C4orf50: variants seen among roughly 807,000 people sequenced by gnomAD.
C4orf50 encodes the protein uncharacterized protein C4orf50.
In C4orf50, 80 loss-of-function variants were observed where a neutral mutation model predicts 77.2. That is an observed-to-expected ratio of 1.04 (90% CI 0.87 to 1.25). C4orf50 has a LOEUF of 1.25. Ranked by LOEUF, C4orf50 falls within the 50% of genes most tolerant of loss-of-function variation. The pLI, the probability that C4orf50 is intolerant of heterozygous loss-of-function variation, is 0.00. For missense variants in C4orf50, 1,257 were observed against 1,152.9 expected, an observed-to-expected ratio of 1.09 and a Z score of -1.31; for synonymous variants, 532 against 465.3, an observed-to-expected ratio of 1.14 and a Z score of -1.84.
chr4:5,990,531 T>C (rs1200132678), exon 28 of C4orf50: 7 of 399,016 alleles, frequency 1.8e-5, no homozygotes, highest in Non-Finnish European at 2.7e-5. Context: ...GTCCTGTGGC[T>C]TTGGGAGGAG....
chr4:6,003,893 ATGATG>A (rs1577991016), intron 25 of C4orf50, among the ~76,000 whole-genome samples: 377 of 99,356 alleles, frequency 3.8e-3, no homozygotes, highest in East Asian at 7.4e-3. Context: ...GATTATGGTG[ATGATG>A]TGATGGTGAT....
At chr4:5,923,184 C>A (rs1289906438) in intron 7 of C4orf50, 1 of 154,290 alleles carries the variant, frequency 6.5e-6, no homozygotes, top group African/African-American at 2.4e-5. Context: ...CGATTATAAT[C>A]CCTGTTTTAC....
intron 31 of C4orf50, among the ~76,000 whole-genome samples, chr4:5,971,387 T>C (rs1719902021): frequency 6.6e-6 from 1 of 152,200 alleles, no homozygotes. Flanking sequence ...CACAGGTGCC[T>C]GTGGCCTCCC....
At chr4:5,990,044 G>T (rs1721168098) in exon 28 of C4orf50, 2 of 1,349,518 alleles carry the variant, frequency 1.5e-6, no homozygotes, top group African/African-American at 1.5e-5. Flanking sequence ...GTGGCTGGGG[G>T]TGCCACTTCC....
chr4:5,953,259 A>G (rs1441729284), downstream of C4orf50, among the ~76,000 whole-genome samples: 11 of 152,178 alleles, frequency 7.2e-5, no homozygotes, highest in Non-Finnish European at 1.0e-4. Flanking sequence ...GCCAAGCTGC[A>G]GACGAGAGAG....
chr4:5,980,293 G>A (rs774086790), exon 29 of C4orf50: 20 of 1,612,208 alleles, frequency 1.2e-5, no homozygotes, highest in South Asian at 5.5e-5. Flanking sequence ...TGCTGGGCCC[G>A]CAGCCTGGGA....
intron 28 of C4orf50, among the ~76,000 whole-genome samples, chr4:5,982,014 G>T (rs961130104): frequency 6.6e-6 from 1 of 152,050 alleles, no homozygotes; most frequent in Non-Finnish European, 1.5e-5. Flanking sequence ...GGGCTGCTGG[G>T]GCATCTCTCA....
chr4:5,987,268 G>A (rs182382367), intron 28 of C4orf50, among the ~76,000 whole-genome samples: 14 of 151,682 alleles, frequency 9.2e-5, no homozygotes, highest in African/African-American at 2.9e-4. Flanking sequence ...AAAACTAGCC[G>A]GGCATGGCGG....
intron 29 of C4orf50, among the ~76,000 whole-genome samples, chr4:5,979,873 C>T (rs140825635): frequency 1.3e-4 from 20 of 152,340 alleles, no homozygotes; most frequent in Non-Finnish European, 2.5e-4. Context: ...ATCATAGTCA[C>T]GCCTACTTCC....
At chr4:5,935,342 GT>G (rs1328601050) in intron 7 of C4orf50, among the ~76,000 whole-genome samples, 2 of 152,232 alleles carry the variant, frequency 1.3e-5, no homozygotes, top group Non-Finnish European at 2.9e-5. Flanking sequence ...TAGAGAGGAA[GT>G]TTGTCCTGGC....
At chr4:5,959,468 G>C in exon 34 of C4orf50, 1 of 1,614,194 alleles carries the variant, frequency 6.2e-7, no homozygotes. Context: ...TCCTTGCTGG[G>C]CTCAGGAGCT....
intron 7 of C4orf50, among the ~76,000 whole-genome samples, chr4:5,933,435 C>T (rs1055161087): frequency 1.3e-5 from 2 of 152,208 alleles, no homozygotes; most frequent in African/African-American, 4.8e-5. Flanking sequence ...CCTCCCGTCC[C>T]TACTCCCATA....
intron 31 of C4orf50, among the ~76,000 whole-genome samples, chr4:5,967,664 G>T (rs193234833): frequency 6.6e-6 from 1 of 152,246 alleles, no homozygotes; most frequent in African/African-American, 2.4e-5. Flanking sequence ...AATTGGTTTT[G>T]CTCTTAGGAA....
chr4:5,955,346 C>T (rs1301187452), downstream of C4orf50, among the ~76,000 whole-genome samples: 2 of 151,862 alleles, frequency 1.3e-5, no homozygotes, highest in Admixed American at 6.6e-5. This position sits in a 1 kb window ranked among gnomAD's most constrained non-coding sequence, Gnocchi z 5.1. Context: ...CAAAGCCAGG[C>T]GGGGGTGTGT....
At chr4:5,983,842 G>A (rs569063310) in intron 28 of C4orf50, among the ~76,000 whole-genome samples, 1 of 152,140 alleles carries the variant, frequency 6.6e-6, no homozygotes, top group African/African-American at 2.4e-5. Context: ...AGAGATAGCT[G>A]CAGAGAATGA....
At chr4:6,013,505 A>C (rs961652344) in intron 23 of C4orf50, among the ~76,000 whole-genome samples, 1 of 152,330 alleles carries the variant, frequency 6.6e-6, no homozygotes, top group Non-Finnish European at 1.5e-5. Flanking sequence ...TTTGGCCCCA[A>C]GTTCATCCAG....
At chr4:5,981,001 G>A (rs527870344) in intron 28 of C4orf50, among the ~76,000 whole-genome samples, 25 of 152,280 alleles carry the variant, frequency 1.6e-4, no homozygotes, top group Admixed American at 1.0e-3. Flanking sequence ...TGTGGGAAGT[G>A]TGGCAAAATG....
intron 25 of C4orf50, among the ~76,000 whole-genome samples, chr4:6,004,218 GTGATGATGTGATGGTGATGA>G (rs1560598774): frequency 4.4e-5 from 2 of 45,106 alleles, no homozygotes; most frequent in African/African-American, 8.8e-5. Context: ...GATGGTGATG[GTGATGATGTGATGGTGATGA>G]TGATGGTGAT....
At chr4:6,004,200 ATG>A (rs1722067724) in intron 25 of C4orf50, among the ~76,000 whole-genome samples, 1 of 107,292 alleles carries the variant, frequency 9.3e-6, no homozygotes, top group Non-Finnish European at 2.2e-5. Context: ...GATGATGGTG[ATG>A]GTGATGATGG....
Sources: gnomAD v4.1 joint callset for allele counts (sites outside exome capture counted in the v4.1 genomes callset) on GRCh38, gnomAD v4.1.1 for gene constraint, Gnocchi (gnomAD v3.1) non-coding constraint, MANE v1.5 for transcripts, NCBI Gene and HGNC (gene_info 2026-07-23, HGNC 2026-07-21) for gene names.